ROS1: variants seen among roughly 807,000 people sequenced by gnomAD.
ROS1 encodes ROS proto-oncogene 1, receptor tyrosine kinase.
Under a neutral mutation model 273.5 loss-of-function variants are expected in ROS1, and 263 were observed. The observed-to-expected ratio is 0.96, with a 90% CI of 0.87 to 1.06. The LOEUF is 1.06. ROS1 is among the 50% of genes least tolerant of loss of function. ROS1 has a pLI of 0.00. For missense variants in ROS1, 2,833 were observed against 2,751.1 expected (o/e 1.03, Z -0.67); for synonymous variants, 1,008 against 954.1 (o/e 1.06, Z -1.04).
intron 39 of ROS1, among the ~76,000 whole-genome samples, chr6:117,315,738 AC>A (rs1393054105): frequency 6.6e-6 from 1 of 152,162 alleles, no homozygotes; most frequent in Non-Finnish European, 1.5e-5. Context: ...AAAAAGTCCC[AC>A]ATGGACAAGA....
intron 29 of ROS1, among the ~76,000 whole-genome samples, chr6:117,341,884 A>G (rs17079069): frequency 0.1 from 15,280 of 152,190 alleles, 1,041 homozygotes; most frequent in East Asian, 0.29. Flanking sequence ...GAATAACCCA[A>G]TTTGGGTGAG....
In ROS1 at chr6:117,386,998, A is replaced by C; in HGVS notation, c.2001T>G (p.Ala667=). Residue 667 remains alanine, a splice_region_variant and synonymous_variant, in exon 15 of 44, where the codon GCT becomes GCG. Transcript: ENST00000368507. ...CAGCCATGATAAATGGTGGTTCACT[A>C]GCTGTTTAGTAAAAAAGAAATTAAA... The part of the protein sequence containing the change: ...EPSVGTTLVP[A]SEPPFIMAVK... 1 of 1,579,462 alleles carries C rather than the reference A, an allele frequency of 6.3e-7. No homozygotes were observed. The highest frequency in any genetic ancestry group is 8.7e-7 in the Non-Finnish European group (1 of 1,150,718).
At chr6:117,370,288 T>G (rs1780663111) in intron 18 of ROS1, among the ~76,000 whole-genome samples, 1 of 152,170 alleles carries the variant, frequency 6.6e-6, no homozygotes, top group South Asian at 2.1e-4. Context: ...CCTAAAGCCT[T>G]CTATGAACCC....
At chr6:117,381,899 G>A (rs185870735) in intron 17 of ROS1, among the ~76,000 whole-genome samples, 315 of 152,100 alleles carry the variant, frequency 2.1e-3, no homozygotes, top group Middle Eastern at 3.4e-3. Context: ...ATTTAAAGAG[G>A]GGTAAGAAGG....
At chr6:117,331,156 T>C (rs1777051768) in intron 32 of ROS1, among the ~76,000 whole-genome samples, 2 of 152,296 alleles carry the variant, frequency 1.3e-5, no homozygotes, top group South Asian at 4.1e-4. Flanking sequence ...AATGGCCTGA[T>C]GGGGCTGAAA....
At chr6:117,379,676 C>T (rs1185768025) in intron 17 of ROS1, among the ~76,000 whole-genome samples, 1 of 152,090 alleles carries the variant, frequency 6.6e-6, no homozygotes, top group Non-Finnish European at 1.5e-5. Context: ...AATTCCCAGG[C>T]TGCACTCTAT....
intron 42 of ROS1, among the ~76,000 whole-genome samples, chr6:117,308,134 T>C (rs1041532088): frequency 6.6e-6 from 1 of 152,168 alleles, no homozygotes; most frequent in African/African-American, 2.4e-5. Flanking sequence ...TTTCTGCTGA[T>C]ACTTTCCACA....
At chr6:117,289,808 T>C (rs1221781063) in intron 43 of ROS1, among the ~76,000 whole-genome samples, 1 of 152,030 alleles carries the variant, frequency 6.6e-6, no homozygotes, top group Non-Finnish European at 1.5e-5. Flanking sequence ...TACCTGGGTG[T>C]TGAACACCTG....
chr6:117,301,248 T>G lies in ROS1; in HGVS notation c.6552-111A>C. The G allele has an allele frequency of 3.4e-6, 3 of 885,142 alleles. No individual in the cohort carries two copies. In the South Asian group the frequency reaches 5.8e-5, roughly 17 times the overall value. The allele number at this position is 885,142 out of a possible 1,614,324, so 54.8% of individuals were successfully genotyped here. A position where few individuals can be genotyped will look rare whatever the true frequency, so the allele number is the denominator to read the frequency against. On this transcript the variant is annotated intron_variant, in intron 42 of 43. Transcript: ENST00000368507. ...GAATCTGAGTTATTGCCAGTTTTCC[T>G]TAATTAATATAAGTGAATCAAAACA... is the stretch of plus-strand genomic sequence containing the variant.
intron 1 of ROS1, among the ~76,000 whole-genome samples, chr6:117,425,188 AG>A (rs1219353500): frequency 6.6e-6 from 1 of 152,216 alleles, no homozygotes; most frequent in African/African-American, 2.4e-5. Flanking sequence ...AACCGATTTC[AG>A]GTTTCAAGAC....
chr6:117,312,456 A>G (rs1775616295), intron 39 of ROS1, among the ~76,000 whole-genome samples: 1 of 151,992 alleles, frequency 6.6e-6, no homozygotes, highest in South Asian at 2.1e-4. Context: ...TCCCAAATCA[A>G]TATCCTCCAA....
At chr6:117,377,869 TA>T (rs1447118867) in intron 18 of ROS1, among the ~76,000 whole-genome samples, 1 of 151,604 alleles carries the variant, frequency 6.6e-6, no homozygotes, top group African/African-American at 2.4e-5. Context: ...ATGAGAAAAA[TA>T]CTTGAACAGG....
In ROS1 at chr6:117,339,107, T is replaced by C. The variant is rs114590176; in HGVS notation, c.5062-1767A>G. 6.0e-3 allele frequency among the ~76,000 whole-genome samples: 914 copies of C among 152,310 alleles called. 8 individuals are homozygous for C. Among genetic ancestry groups the C allele is most frequent in the African/African-American group, 0.021 (860 of 41,570 alleles). ...ATAGAATTTAAGATCTAGATCAAGC[T>C]TGTCCAACTTTCAGCTTGTGGGCCA... On this transcript the variant is annotated intron_variant, in intron 31 of 43. Coordinates refer to ENST00000368507, the MANE Select transcript of ROS1 (RefSeq NM_001378902.1).
At chr6:117,415,784 C>A (rs556537434) in intron 3 of ROS1, among the ~76,000 whole-genome samples, 1 of 152,128 alleles carries the variant, frequency 6.6e-6, no homozygotes, top group Admixed American at 6.5e-5. Flanking sequence ...ACATGACCTA[C>A]GGCCCTGGTA....
At chr6:117,298,846 G>A (rs1651255898) in intron 43 of ROS1, among the ~76,000 whole-genome samples, 1 of 152,200 alleles carries the variant, frequency 6.6e-6, no homozygotes, top group South Asian at 2.1e-4. Flanking sequence ...CCCCAGATCA[G>A]TAAGTGTTGA....
intron 31 of ROS1, 111 bp downstream of exon 31, chr6:117,341,024 A>C (rs930430567): frequency 1.4e-6 from 1 of 692,738 alleles, no homozygotes; most frequent in East Asian, 2.8e-5. Flanking sequence ...TAAATCAATG[A>C]AAGTTGTCAA....
rs145594319 is a variant in ROS1 at position 117,387,751 on chromosome 6, C to A, written c.1999+29G>T. 8 of 1,590,812 alleles carry A rather than the reference C, an allele frequency of 5.0e-6. 1 individual carries two copies. The highest frequency in any genetic ancestry group is 1.2e-5 in the South Asian group (1 of 86,406). ...CAGCTAGTCCTCTTTTTGTGAGAGTCACTCCCTAAATCCAGAACATTTTCT... is the reference window on the plus strand; with the variant it reads ...CAGCTAGTCCTCTTTTTGTGAGAGTAACTCCCTAAATCCAGAACATTTTCT... On this transcript the variant is annotated intron_variant, in intron 14 of 43. Transcript: ENST00000368507.
At position 117,385,821 on chromosome 6, in the gene ROS1, C is replaced by T. The variant is rs55944128; in HGVS notation, c.2151G>A (p.Thr717=). ...WYNNSLYYSD[T]KGDVFVWLLN... Reference sequence around the variant, plus strand: ...GCAGCCACACAAAAACGTCGCCTTTCGTGTCACTGTAGTAGAGGCTGTTGT... The same window carrying T: ...GCAGCCACACAAAAACGTCGCCTTTTGTGTCACTGTAGTAGAGGCTGTTGT... Residue 717 remains threonine, a synonymous_variant, in exon 16 of 44, where the codon ACG becomes ACA. Coordinates refer to ENST00000368507, the MANE Select transcript of ROS1 (RefSeq NM_001378902.1). 919 of 1,614,164 alleles carry T rather than the reference C, an allele frequency of 5.7e-4. 3 individuals are homozygous for T. The African/African-American group carries it at 0.011, about 19-fold the overall frequency.
Position 117,360,272 on chromosome 6 carries a change from G to GTACA in ROS1, c.3430+69_3430+70insTGTA, listed in dbSNP as rs1562313829. ...GTTCATATCCCTAAAGACACCAATG[G>GTACA]GACACACACACACACACACACACAC... On this transcript the variant is annotated intron_variant, in intron 23 of 43. Coordinates refer to ENST00000368507, the MANE Select transcript of ROS1 (RefSeq NM_001378902.1). 3.1e-3 allele frequency: 1,042 copies of GTACA among 341,012 alleles called. 7 individuals carry two copies. In the African/African-American group the frequency reaches 0.084, roughly 28 times the overall value. The allele number at this position is 341,012 out of a possible 1,614,324, so 21.1% of individuals were successfully genotyped here.
Sources: gnomAD v4.1 joint callset for allele counts (sites outside exome capture counted in the v4.1 genomes callset) on GRCh38, gnomAD v4.1.1 for gene constraint, MANE v1.5 for transcripts, NCBI Gene and HGNC (gene_info 2026-07-23, HGNC 2026-07-21) for gene names.